ABCB1: variants seen among roughly 807,000 people sequenced by gnomAD.
ABCB1 encodes the protein ATP binding cassette subfamily B member 1, also known as ATP-dependent translocase ABCB1.
ABCB1 carries 69 observed loss-of-function variants against 142.0 expected under a neutral mutation model. That is an observed-to-expected ratio of 0.49 (90% CI 0.40 to 0.59). The LOEUF (loss-of-function observed/expected upper bound fraction) is 0.59, where lower values mean the gene tolerates loss of function less well. Among genes scored for constraint, ABCB1 ranks in the 20% least tolerant of loss-of-function variants. The pLI, the probability that ABCB1 is intolerant of heterozygous loss-of-function variation, is 0.00. For missense variants in ABCB1, 1,326 were observed against 1,554.7 expected, an observed-to-expected ratio of 0.85 and a Z score of 2.47; for synonymous variants, 532 against 539.2, an observed-to-expected ratio of 0.99 and a Z score of 0.18.
chr7:87,693,904 A>G, intron 1 of ABCB1: 2 of 1,571,326 alleles, frequency 1.3e-6, no homozygotes, highest in Non-Finnish European at 1.7e-6. Context: ...TTTTTTTTTT[A>G]AAGAGATTTC....
At chr7:87,532,128 C>T (rs1055926288) in intron 20 of ABCB1, among the ~76,000 whole-genome samples, 3 of 152,158 alleles carry the variant, frequency 2.0e-5, no homozygotes, top group African/African-American at 7.2e-5. Context: ...TAATGTCCAA[C>T]TGTAAACCAG....
exon 1 of ABCB1, chr7:87,713,181 G>A (rs1464032668): frequency 6.6e-6 from 1 of 152,144 alleles, no homozygotes; most frequent in Non-Finnish European, 1.5e-5. Flanking sequence ...GTTGCTTCCT[G>A]AAGTGAGTAC....
At chr7:87,653,371 C>G (rs190022800) in intron 1 of ABCB1, among the ~76,000 whole-genome samples, 70 of 152,234 alleles carry the variant, frequency 4.6e-4, no homozygotes, top group Admixed American at 1.8e-3. Flanking sequence ...TTTGCCTGCT[C>G]AGCAACAATT....
At chr7:87,545,807 T>G in intron 15 of ABCB1, 56 bp downstream of exon 15, 1 of 1,561,538 alleles carries the variant, frequency 6.4e-7, no homozygotes, top group Non-Finnish European at 8.8e-7. Context: ...TAGCATTAAA[T>G]GCAAAATCAG....
rs557961372 is a variant in ABCB1 at position 87,579,715 on chromosome 7, C to A, written c.286+5797G>T. On this transcript the variant is annotated intron_variant, in intron 4 of 27. Transcript: ENST00000622132. ...TTTGTTTGTTGTTTTTTGTGATCTTCTCTTCCTTCTTTCGTTCTTTCTTGT... is the reference window on the plus strand; with the variant it reads ...TTTGTTTGTTGTTTTTTGTGATCTTATCTTCCTTCTTTCGTTCTTTCTTGT... 3.9e-5 allele frequency among the ~76,000 whole-genome samples: 6 copies of A among 152,014 alleles called. No individual in the cohort carries two copies. In the South Asian group the frequency reaches 1.0e-3, roughly 26 times the overall value.
At chr7:87,512,632 G>A (rs983106247) in intron 25 of ABCB1, among the ~76,000 whole-genome samples, 2 of 152,096 alleles carry the variant, frequency 1.3e-5, no homozygotes, top group Admixed American at 6.5e-5. Context: ...ATTTTTACAT[G>A]GCAATAAAAA....
At chr7:87,637,066 A>G (rs914478092) in intron 1 of ABCB1, among the ~76,000 whole-genome samples, 1 of 152,204 alleles carries the variant, frequency 6.6e-6, no homozygotes, top group South Asian at 2.1e-4. Flanking sequence ...TGAGACTAGC[A>G]TGGGGGAAAA....
intron 3 of ABCB1, among the ~76,000 whole-genome samples, chr7:87,590,036 A>G (rs1450772721): frequency 6.6e-6 from 1 of 152,210 alleles, no homozygotes; most frequent in Non-Finnish European, 1.5e-5. Context: ...TCACCAGATT[A>G]GATGGCAAAC....
intron 2 of ABCB1, among the ~76,000 whole-genome samples, chr7:87,596,665 T>G (rs1819224169): frequency 6.6e-6 from 1 of 152,046 alleles, no homozygotes; most frequent in Admixed American, 6.6e-5. Context: ...TTTTACACGG[T>G]TTTTAAGTTC....
At chr7:87,589,805 G>GGAGAGAGA (rs370840500) in intron 3 of ABCB1, among the ~76,000 whole-genome samples, 1,611 of 105,312 alleles carry the variant, frequency 0.015, 78 homozygotes, top group African/African-American at 0.078. Context: ...GAGAGAGAGA[G>GGAGAGAGA]GAGAGAGAGA....
rs567801686 is a variant in ABCB1 at position 87,695,596 on chromosome 7, T to C, written c.-331+17565A>G. Among the ~76,000 whole-genome samples, 72 of 152,254 alleles carry C rather than the reference T, an allele frequency of 4.7e-4. 1 individual carries two copies. Among genetic ancestry groups the C allele is most frequent in the Admixed American group, 9.1e-4 (14 of 15,304 alleles). On this transcript the variant is annotated intron_variant, in intron 1 of 28. Coordinates refer to the ABCB1 transcript ENST00000265724. ...GTCTTTAATATTGTCAAGTAGGTGATATATTTTAACTAACAGAACTTTCAT... is the reference window on the plus strand; with the variant it reads ...GTCTTTAATATTGTCAAGTAGGTGACATATTTTAACTAACAGAACTTTCAT...
chr7:87,654,984 G>A (rs1323280586), intron 1 of ABCB1, among the ~76,000 whole-genome samples: 1 of 152,002 alleles, frequency 6.6e-6, no homozygotes, highest in Non-Finnish European at 1.5e-5. Context: ...TAAAACCATA[G>A]TGAGATATCC....
intron 4 of ABCB1, among the ~76,000 whole-genome samples, chr7:87,577,599 T>C (rs1818323305): frequency 6.6e-6 from 1 of 152,220 alleles, no homozygotes; most frequent in South Asian, 2.1e-4. Flanking sequence ...TTATTGCCTA[T>C]CTTTGGCTAA....
At chr7:87,534,418 C>G (rs1362752271) in intron 20 of ABCB1, among the ~76,000 whole-genome samples, 2 of 152,018 alleles carry the variant, frequency 1.3e-5, no homozygotes, top group Non-Finnish European at 2.9e-5. Flanking sequence ...TTGTGAGGAC[C>G]AAAATGAATG....
chr7:87,596,882 T>C (rs962774802), intron 2 of ABCB1, among the ~76,000 whole-genome samples: 2 of 152,050 alleles, frequency 1.3e-5, no homozygotes, highest in African/African-American at 2.4e-5. Flanking sequence ...GGAACCAGGA[T>C]GAAAGGAGAA....
chr7:87,552,490 T>C (rs1428599378), intron 9 of ABCB1, among the ~76,000 whole-genome samples: 2 of 152,088 alleles, frequency 1.3e-5, no homozygotes, highest in East Asian at 3.9e-4. Flanking sequence ...ATCAAGTTGG[T>C]CCGATATCAA....
At chr7:87,508,595 A>C (rs1453614909) in intron 26 of ABCB1, among the ~76,000 whole-genome samples, 1 of 152,194 alleles carries the variant, frequency 6.6e-6, no homozygotes, top group African/African-American at 2.4e-5. Context: ...ACCACAGCCC[A>C]GGGAGCCCTA....
chr7:87,538,810 C>A (rs1199338914), intron 19 of ABCB1, among the ~76,000 whole-genome samples: 3 of 152,050 alleles, frequency 2.0e-5, no homozygotes, highest in African/African-American at 4.8e-5. Flanking sequence ...GTATTTCAGA[C>A]TAGCCTCAGA....
intron 1 of ABCB1, among the ~76,000 whole-genome samples, chr7:87,645,632 T>G (rs1822927183): frequency 1.3e-5 from 2 of 152,228 alleles, no homozygotes; most frequent in Admixed American, 1.3e-4. Flanking sequence ...AACAGATGAC[T>G]AATATTAATG....
Sources: gnomAD v4.1 joint callset for allele counts (sites outside exome capture counted in the v4.1 genomes callset) on GRCh38, gnomAD v4.1.1 for gene constraint, MANE v1.5 for transcripts, NCBI Gene and HGNC (gene_info 2026-07-23, HGNC 2026-07-21) for gene names.